TMEM233: variants seen among roughly 807,000 people sequenced by gnomAD.
The protein encoded by TMEM233 is transmembrane protein 233.
In TMEM233, 6 loss-of-function variants were observed where a neutral mutation model predicts 11.2. The observed-to-expected ratio is 0.54, with a 90% confidence interval of 0.29 to 1.06. TMEM233 has a LOEUF of 1.06. Among genes scored for constraint, TMEM233 ranks in the 50% least tolerant of loss-of-function variants. The probability of loss-of-function intolerance (pLI) is 0.08; values close to 1 mark genes in which losing one functional copy is unlikely to be tolerated. For synonymous variants in TMEM233, 59 were observed against 55.8 expected (o/e 1.06, Z -0.26); for missense variants, 127 against 144.7 (o/e 0.88, Z 0.63).
intron 1 of TMEM233, among the ~76,000 whole-genome samples, chr12:119,602,360 C>T (rs938277150): frequency 6.6e-6 from 1 of 152,220 alleles, no homozygotes; most frequent in African/African-American, 2.4e-5. Context: ...CATTGGATCT[C>T]TCCCTGTCAC....
rs1019287075 is a variant in TMEM233 at position 119,595,205 on chromosome 12, G to A, written c.186+1171G>A. ...GCTGGCCCGGGGGTGGCGGCGGGGT[G>A]AGGTTCGTACCGGCACTGTCCCGGG... On this transcript the variant is annotated intron_variant, in intron 1 of 2. Transcript: ENST00000426426. This position sits in a 1 kb window ranked among gnomAD's most constrained non-coding sequence, Gnocchi z 4.3. 1.3e-5 allele frequency among the ~76,000 whole-genome samples: 2 copies of A among 152,198 alleles called. No homozygotes were observed. Among genetic ancestry groups the A allele is most frequent in the Non-Finnish European group, 2.9e-5 (2 of 68,020 alleles).
intron 1 of TMEM233, among the ~76,000 whole-genome samples, chr12:119,598,356 T>C (rs756506988): frequency 2.0e-5 from 3 of 152,218 alleles, no homozygotes; most frequent in Non-Finnish European, 2.9e-5. Context: ...CTTGATGACA[T>C]CATGATGTAA....
At chr12:119,618,977 T>C (rs528879748) in intron 1 of TMEM233, among the ~76,000 whole-genome samples, 22 of 152,320 alleles carry the variant, frequency 1.4e-4, no homozygotes, top group African/African-American at 5.1e-4. Context: ...TCATCTTTAA[T>C]TGTAGTTCTC....
chr12:119,627,993 A>T (rs1954798068), intron 1 of TMEM233, among the ~76,000 whole-genome samples: 1 of 152,116 alleles, frequency 6.6e-6, no homozygotes, highest in African/African-American at 2.4e-5. Context: ...CTTAATTTAC[A>T]TATAGTTAAA....
At chr12:119,618,276 C>G (rs540690507) in intron 1 of TMEM233, among the ~76,000 whole-genome samples, 44 of 152,234 alleles carry the variant, frequency 2.9e-4, no homozygotes, top group Non-Finnish European at 5.0e-4. Flanking sequence ...AAATTTGCTG[C>G]AGGGGCAGAG....
At chr12:119,610,590 T>C (rs1056403755) in intron 1 of TMEM233, among the ~76,000 whole-genome samples, 3 of 151,636 alleles carry the variant, frequency 2.0e-5, no homozygotes, top group Non-Finnish European at 4.4e-5. Flanking sequence ...GCTGTTCTCA[T>C]GATAGTGAGT....
rs144364647 is a variant in TMEM233 at position 119,642,735 on chromosome 12, G to A, written c.*2030G>A. 4.9e-4 allele frequency: 74 copies of A among 152,120 alleles called. No individual in the cohort carries two copies. Among genetic ancestry groups the A allele is most frequent in the African/African-American group, 1.8e-3 (73 of 41,490 alleles). 9.4% of individuals were successfully genotyped at this position (152,120 alleles called of 1,614,324 possible). ...GTAATAGTTGTGACTAACCATTGGC[G>A]GGGAGAATTCTAAGTACTATACCAA... On this transcript the variant is annotated 3_prime_UTR_variant, in exon 3 of 3. Transcript: ENST00000426426.
intron 1 of TMEM233, among the ~76,000 whole-genome samples, chr12:119,606,496 T>C (rs1954281535): frequency 6.6e-6 from 1 of 152,204 alleles, no homozygotes; most frequent in Non-Finnish European, 1.5e-5. Flanking sequence ...TTAGAAGACG[T>C]TGTTTGAAGA....
chr12:119,598,351 T>C (rs956399276), intron 1 of TMEM233, among the ~76,000 whole-genome samples: 3 of 152,258 alleles, frequency 2.0e-5, no homozygotes, highest in African/African-American at 7.2e-5. Flanking sequence ...CAATTCTTGA[T>C]GACATCATGA....
chr12:119,640,668 TTCTC>T (rs771463843), intron 2 of TMEM233, 27 bp from the exon 3 acceptor site: 30 of 1,499,518 alleles, frequency 2.0e-5, no homozygotes, highest in African/African-American at 9.8e-5. Flanking sequence ...CCCACGGTCT[TTCTC>T]TCTCTCTCTC....
At chr12:119,598,585 T>A (rs148587770) in intron 1 of TMEM233, among the ~76,000 whole-genome samples, 1 of 152,158 alleles carries the variant, frequency 6.6e-6, no homozygotes. Flanking sequence ...CCCAAAATCA[T>A]TGAGACCACC....
chr12:119,621,956 C>A (rs1476152857), intron 1 of TMEM233, among the ~76,000 whole-genome samples: 1 of 152,200 alleles, frequency 6.6e-6, no homozygotes, highest in Non-Finnish European at 1.5e-5. Context: ...CAAACAGTAT[C>A]TTTCTGAGTA....
chr12:119,640,853 C>CAAAAA lies in TMEM233; in HGVS notation c.*150_*151insAAAAA. 1 of 435,174 alleles carries CAAAAA rather than the reference C, an allele frequency of 2.3e-6. No individual in the cohort carries two copies. The highest frequency in any genetic ancestry group is 1.1e-4 in the Admixed American group (1 of 9,252). 27.0% of individuals were successfully genotyped at this position (435,174 alleles called of 1,614,324 possible). ...CAGAGGCAGGTCCCTGGCAAATGAA[C>CAAAAA]AAGAAAAAAAAAAAAAAAAAGTCCA... On this transcript the variant is annotated 3_prime_UTR_variant, in exon 3 of 3. Transcript: ENST00000426426.
At chr12:119,645,085 A>G (rs570360827), downstream of TMEM233, among the ~76,000 whole-genome samples, 3 of 152,314 alleles carry the variant, frequency 2.0e-5, no homozygotes, top group African/African-American at 7.2e-5. Context: ...CATTCTTCGC[A>G]GTGCTGAGGC....
At chr12:119,599,605 T>C (rs1299139574) in intron 1 of TMEM233, among the ~76,000 whole-genome samples, 1 of 152,120 alleles carries the variant, frequency 6.6e-6, no homozygotes, top group African/African-American at 2.4e-5. Flanking sequence ...CCTGCACAAA[T>C]AGTAGCCAAC....
At chr12:119,602,317 G>A (rs982127454) in intron 1 of TMEM233, among the ~76,000 whole-genome samples, 19 of 152,290 alleles carry the variant, frequency 1.2e-4, no homozygotes, top group African/African-American at 4.3e-4. Context: ...AGAGCTTGAC[G>A]CTGCCCACTA....
downstream of TMEM233, among the ~76,000 whole-genome samples, chr12:119,644,843 A>G (rs1001360749): frequency 6.6e-6 from 1 of 152,132 alleles, no homozygotes; most frequent in Admixed American, 6.5e-5. Flanking sequence ...TCTGACCAGT[A>G]TTTATAGAGC....
the TMEM233 span, among the ~76,000 whole-genome samples, chr12:119,650,993 T>C: frequency 3.3e-5 from 5 of 152,210 alleles, no homozygotes; most frequent in Non-Finnish European, 5.9e-5. Context: ...ATGTCTAAGA[T>C]ATATTTTCTA....
At position 119,595,219 on chromosome 12, in the gene TMEM233, C is replaced by T. The variant is rs1954015854; in HGVS notation, c.186+1185C>T. Reference sequence around the variant, plus strand: ...GGCGGCGGGGTGAGGTTCGTACCGGCACTGTCCCGGGACAACCCTTGCAGT... The same window carrying T: ...GGCGGCGGGGTGAGGTTCGTACCGGTACTGTCCCGGGACAACCCTTGCAGT... On this transcript the variant is annotated intron_variant, in intron 1 of 2. Transcript: ENST00000426426. This position sits in a 1 kb window ranked among gnomAD's most constrained non-coding sequence, Gnocchi z 4.3. Among the ~76,000 whole-genome samples the T allele has an allele frequency of 2.0e-5, 3 of 152,230 alleles. No homozygotes were observed. The South Asian group carries it at 6.2e-4, about 31-fold the overall frequency.
Sources: allele counts gnomAD v4.1 joint callset (sites outside exome capture counted in the v4.1 genomes callset), GRCh38; gene constraint gnomAD v4.1.1; non-coding constraint Gnocchi (gnomAD v3.1); transcripts MANE v1.5; gene names NCBI Gene and HGNC (gene_info 2026-07-23, HGNC 2026-07-21).